The following ANGPT1 variants were observed in gnomAD, a reference collection of about 807,000 sequenced individuals.
ANGPT1 encodes the protein angiopoietin-1.
In ANGPT1, 17 loss-of-function variants were observed where a neutral mutation model predicts 62.2. The observed-to-expected ratio is 0.27, with a 90% CI of 0.19 to 0.41. The LOEUF (loss-of-function observed/expected upper bound fraction) is 0.41. Ranked by LOEUF, ANGPT1 falls within the 10% of genes least tolerant of loss-of-function variation. The pLI is 1.00. For synonymous variants in ANGPT1, 199 were observed against 198.9 expected (o/e 1.00, Z 0.00); for missense variants, 478 against 594.9 (o/e 0.80, Z 2.04).
chr8:107,287,669 G>A (rs1356697294), intron 6 of ANGPT1, among the ~76,000 whole-genome samples: 1 of 152,100 alleles, frequency 6.6e-6, no homozygotes, highest in Non-Finnish European at 1.5e-5. Flanking sequence ...AGTTTACCAG[G>A]CATGACCACA....
Position 107,497,505 on chromosome 8 carries a change from C to T in ANGPT1, c.54G>A (p.Gly18=). The T allele has an allele frequency of 1.2e-6, 2 of 1,614,092 alleles. No individual in the cohort carries two copies. The highest frequency in any genetic ancestry group is 1.7e-6 in the Non-Finnish European group (2 of 1,180,016). ...CTGGACTTCGGCGCTGATTGCTGCACCCTATGTGAGTCAGAATGGCAGCGA... is the reference window on the plus strand; with the variant it reads ...CTGGACTTCGGCGCTGATTGCTGCATCCTATGTGAGTCAGAATGGCAGCGA... ...AFLAAILTHI[G]CSNQRRSPEN... Residue 18 remains glycine (G), a synonymous_variant, in exon 1 of 9, where the codon GGG becomes GGA. Coordinates refer to ENST00000517746, the MANE Select transcript of ANGPT1 (RefSeq NM_001146.5).
chr8:107,249,695 T>C lies in ANGPT1; in HGVS notation c.*2160A>G, dbSNP rs1813205815. On this transcript the variant is annotated 3_prime_UTR_variant, in exon 9 of 9. Coordinates refer to ENST00000517746, the MANE Select transcript of ANGPT1 (RefSeq NM_001146.5). Reference sequence around the variant, plus strand: ...AATCATAAAACATTTTATACTGATTTATTATAAATAATTGGAAACAATATT... The same window carrying C: ...AATCATAAAACATTTTATACTGATTCATTATAAATAATTGGAAACAATATT... 1 of 152,146 alleles carries C rather than the reference T, an allele frequency of 6.6e-6. No homozygotes were observed. The highest frequency in any genetic ancestry group is 2.4e-5 in the African/African-American group (1 of 41,452). The allele number at this position is 152,146 out of a possible 1,614,324, so 9.4% of individuals were successfully genotyped here. A position where few individuals can be genotyped will look rare whatever the true frequency, so the allele number is the denominator to read the frequency against.
chr8:107,344,692 T>A (rs971810232), intron 2 of ANGPT1, among the ~76,000 whole-genome samples: 18 of 152,138 alleles, frequency 1.2e-4, no homozygotes, highest in African/African-American at 4.3e-4. Context: ...TTGTCATGAG[T>A]TCCTGAAATA....
At chr8:107,351,441 T>C (rs1815928792) in intron 1 of ANGPT1, among the ~76,000 whole-genome samples, 1 of 152,106 alleles carries the variant, frequency 6.6e-6, no homozygotes, top group Non-Finnish European at 1.5e-5. Flanking sequence ...TATCTTCTGA[T>C]GTTCTACTAG....
At chr8:107,291,366 G>A (rs898135624) in intron 6 of ANGPT1, among the ~76,000 whole-genome samples, 1 of 151,976 alleles carries the variant, frequency 6.6e-6, no homozygotes, top group Non-Finnish European at 1.5e-5. Flanking sequence ...GTGATCTGTC[G>A]AAAATCTCTC....
chr8:107,264,131 C>T lies in ANGPT1; in HGVS notation c.1336+90G>A, dbSNP rs1813558924. Reference sequence around the variant, plus strand: ...AGGGACTTGCTCTTAAGTTTCCTGACCATAAGATCATACTCCTTTCTCATA... The same window carrying T: ...AGGGACTTGCTCTTAAGTTTCCTGATCATAAGATCATACTCCTTTCTCATA... On this transcript the variant is annotated intron_variant, in intron 8 of 8. Coordinates refer to ENST00000517746, the MANE Select transcript of ANGPT1 (RefSeq NM_001146.5). The T allele has an allele frequency of 6.9e-6, 10 of 1,453,584 alleles. 1 individual carries two copies. In the South Asian group the frequency reaches 1.4e-4, roughly 20 times the overall value. 90.0% of individuals were successfully genotyped at this position (1,453,584 alleles called of 1,614,324 possible). A position where few individuals can be genotyped will look rare whatever the true frequency, so the allele number is the denominator to read the frequency against.
At chr8:107,366,477 C>A (rs996013917) in intron 1 of ANGPT1, among the ~76,000 whole-genome samples, 1 of 152,074 alleles carries the variant, frequency 6.6e-6, no homozygotes, top group Non-Finnish European at 1.5e-5. Context: ...ACCTGAAATA[C>A]GTTTGCTGTG....
chr8:107,436,926 T>C (rs940675108), intron 1 of ANGPT1, among the ~76,000 whole-genome samples: 2 of 152,152 alleles, frequency 1.3e-5, no homozygotes, highest in Admixed American at 6.5e-5. Flanking sequence ...AAATGGAAAA[T>C]TATATGCTAG....
chr8:107,375,243 GA>G, intron 1 of ANGPT1, among the ~76,000 whole-genome samples: 1 of 152,208 alleles, frequency 6.6e-6, no homozygotes. Context: ...AATAAGAACA[GA>G]AATTGCCAGT....
chr8:107,258,380 A>G (rs2507803), intron 8 of ANGPT1, among the ~76,000 whole-genome samples: 129,766 of 152,116 alleles, frequency 0.85, 55,368 homozygotes, highest in Middle Eastern at 0.89. Context: ...TGGAAGCTTC[A>G]TATATGTTAT....
At chr8:107,354,759 T>C (rs904832108) in intron 1 of ANGPT1, among the ~76,000 whole-genome samples, 1 of 152,120 alleles carries the variant, frequency 6.6e-6, no homozygotes, top group Non-Finnish European at 1.5e-5. Flanking sequence ...CCAAATATAT[T>C]CCTTGTCTTT....
intron 3 of ANGPT1, among the ~76,000 whole-genome samples, chr8:107,324,137 G>T (rs1325625888): frequency 6.9e-6 from 1 of 144,798 alleles, no homozygotes; most frequent in East Asian, 2.0e-4. Context: ...GCCCATGCTT[G>T]CCCCCCAGCC....
At chr8:107,349,186 A>G (rs1230835776) in intron 1 of ANGPT1, among the ~76,000 whole-genome samples, 1 of 152,090 alleles carries the variant, frequency 6.6e-6, no homozygotes, top group Non-Finnish European at 1.5e-5. Flanking sequence ...ATACATAGAC[A>G]CTTGGATGCA....
chr8:107,442,673 A>G (rs372051755), intron 1 of ANGPT1, among the ~76,000 whole-genome samples: 12 of 152,170 alleles, frequency 7.9e-5, no homozygotes, highest in Admixed American at 7.9e-4. Flanking sequence ...AAATTATCCT[A>G]TTCCCTCAAA....
intron 1 of ANGPT1, among the ~76,000 whole-genome samples, chr8:107,359,719 T>C (rs903274892): frequency 6.6e-6 from 1 of 152,212 alleles, no homozygotes; most frequent in Non-Finnish European, 1.5e-5. Context: ...ATATTTAGCA[T>C]GTTCTCAATT....
chr8:107,469,958 C>T (rs1812302607), intron 1 of ANGPT1, among the ~76,000 whole-genome samples: 1 of 152,018 alleles, frequency 6.6e-6, no homozygotes, highest in Non-Finnish European at 1.5e-5. Flanking sequence ...TGCAGGCTTG[C>T]TTGAGTGTTG....
chr8:107,489,474 C>T (rs1812900813), intron 1 of ANGPT1, among the ~76,000 whole-genome samples: 2 of 152,082 alleles, frequency 1.3e-5, no homozygotes, highest in South Asian at 4.1e-4. Flanking sequence ...TCTTCATAGG[C>T]CTAAATGCAT....
intron 1 of ANGPT1, among the ~76,000 whole-genome samples, chr8:107,366,185 T>C (rs1160850391): frequency 6.6e-6 from 1 of 152,196 alleles, no homozygotes; most frequent in African/African-American, 2.4e-5. Context: ...CATCATAGCA[T>C]TTAGTCCTCA....
At chr8:107,284,954 A>G in intron 6 of ANGPT1, 106 bp from the exon 7 acceptor site, 2 of 971,466 alleles carry the variant, frequency 2.1e-6, no homozygotes, top group South Asian at 8.2e-5. Context: ...TAAAAAGTAA[A>G]GGTTTTTGTT....
Sources: allele counts gnomAD v4.1 joint callset (sites outside exome capture counted in the v4.1 genomes callset), GRCh38; gene constraint gnomAD v4.1.1; transcripts MANE v1.5; gene names NCBI Gene and HGNC (gene_info 2026-07-23, HGNC 2026-07-21).